Variants in LRRC49 observed in about 807,000 individuals in gnomAD.
LRRC49 encodes leucine rich repeat containing 49.
A neutral mutation model predicts 83.3 loss-of-function variants in LRRC49; 50 were observed. The ratio of observed to expected loss-of-function variants is 0.60; its 90% confidence interval spans 0.48 to 0.76. LRRC49 has a LOEUF of 0.76. LRRC49 is among the 30% of genes least tolerant of loss of function. The probability of loss-of-function intolerance (pLI) is 0.00; values close to 1 mark genes in which losing one functional copy is unlikely to be tolerated. For missense variants in LRRC49, 704 were observed against 809.1 expected, an observed-to-expected ratio of 0.87 and a Z score of 1.58; for synonymous variants, 286 against 283.3, an observed-to-expected ratio of 1.01 and a Z score of -0.10.
At chr15:70,937,913 A>T (rs1256474128) in intron 8 of LRRC49, among the ~76,000 whole-genome samples, 1 of 151,892 alleles carries the variant, frequency 6.6e-6, no homozygotes, top group Admixed American at 6.6e-5. Flanking sequence ...CTTGTTGGGG[A>T]GGCAGAATTT....
intron 10 of LRRC49, 123 bp downstream of exon 10, chr15:70,980,307 A>G (rs1385773107): frequency 1.8e-6 from 1 of 569,494 alleles, no homozygotes; most frequent in Non-Finnish European, 3.0e-6. Context: ...TCCTATCAAC[A>G]GAATGTACGT....
intron 1 of LRRC49, among the ~76,000 whole-genome samples, chr15:70,854,802 C>CT (rs1378757216): frequency 6.6e-6 from 1 of 152,146 alleles, no homozygotes; most frequent in African/African-American, 2.4e-5. Flanking sequence ...TGATTCAGAA[C>CT]TTTGTGTTTT....
intron 8 of LRRC49, among the ~76,000 whole-genome samples, chr15:70,951,182 T>C (rs2036204031): frequency 6.6e-6 from 1 of 152,154 alleles, no homozygotes; most frequent in Non-Finnish European, 1.5e-5. Context: ...TAGTTTGAGG[T>C]TAGGTAATGT....
intron 1 of LRRC49, among the ~76,000 whole-genome samples, chr15:70,854,391 G>C (rs537954350): frequency 6.6e-6 from 1 of 152,152 alleles, no homozygotes; most frequent in Non-Finnish European, 1.5e-5. Context: ...CACTCCCTCC[G>C]TCTTTTCGCC....
chr15:71,001,003 A>G (rs150252119), intron 11 of LRRC49, among the ~76,000 whole-genome samples: 21 of 152,270 alleles, frequency 1.4e-4, no homozygotes, highest in Non-Finnish European at 2.5e-4. Context: ...TACTATTTAT[A>G]TACTGAAGAC....
chr15:71,011,441 A>T (rs1387383129), intron 13 of LRRC49, among the ~76,000 whole-genome samples: 2 of 151,926 alleles, frequency 1.3e-5, no homozygotes, highest in Non-Finnish European at 2.9e-5. Context: ...GTGGAGAAGA[A>T]TTAGAAAGAA....
intron 8 of LRRC49, among the ~76,000 whole-genome samples, chr15:70,959,059 T>A (rs2036502266): frequency 1.3e-5 from 2 of 152,232 alleles, no homozygotes; most frequent in South Asian, 4.1e-4. Flanking sequence ...TATAGTACTA[T>A]AAAGTACTGG....
At chr15:70,942,433 A>G (rs1033163733) in intron 8 of LRRC49, among the ~76,000 whole-genome samples, 1 of 152,242 alleles carries the variant, frequency 6.6e-6, no homozygotes, top group Non-Finnish European at 1.5e-5. Context: ...TTACAAAGGC[A>G]TGAAAATTCA....
chr15:70,932,726 C>CTTTTTTTTTTTTTTTTT (rs5813614), intron 7 of LRRC49, among the ~76,000 whole-genome samples: 5 of 97,202 alleles, frequency 5.1e-5, no homozygotes, highest in Non-Finnish European at 1.0e-4. Context: ...CTTTCTCTGT[C>CTTTTTTTTTTTTTTTTT]TTTTTTTTTT....
intron 11 of LRRC49, among the ~76,000 whole-genome samples, chr15:70,986,417 A>C (rs2037619866): frequency 6.6e-6 from 1 of 150,522 alleles, no homozygotes; most frequent in South Asian, 2.1e-4. Flanking sequence ...GAGTTCACTC[A>C]TGATTTGGCT....
chr15:70,980,755 A>C lies in LRRC49; in HGVS notation c.1005+571A>C, dbSNP rs2037370748. Among the ~76,000 whole-genome samples the C allele has an allele frequency of 2.0e-5, 3 of 152,278 alleles. No individual in the cohort carries two copies. In the South Asian group the frequency reaches 6.2e-4, roughly 32 times the overall value. ...TTTTATATTAACATTGCAAAGTATA[A>C]GTAAAGGCAGCTTTAAGTTTATAGT... is the stretch of plus-strand genomic sequence containing the variant. On this transcript the variant is annotated intron_variant, in intron 10 of 15. Transcript: ENST00000260382.
chr15:71,037,538 C>T (rs1404885678), intron 15 of LRRC49, among the ~76,000 whole-genome samples: 2 of 151,832 alleles, frequency 1.3e-5, no homozygotes, highest in Non-Finnish European at 2.9e-5. Flanking sequence ...CCCAGGGTTT[C>T]AGTATCGTTA....
chr15:70,911,514 A>C lies in LRRC49; in HGVS notation c.501-18A>C, dbSNP rs1455732973. ...TGTGATACATCCGTATTTCTATTCTACTTATTCTGGTTTTCAGAATCAAGA... is the reference window on the plus strand; with the variant it reads ...TGTGATACATCCGTATTTCTATTCTCCTTATTCTGGTTTTCAGAATCAAGA... On this transcript the variant is annotated intron_variant, in intron 5 of 15. Coordinates refer to ENST00000260382, the MANE Select transcript of LRRC49 (RefSeq NM_017691.5). 1 of 1,414,348 alleles carries C rather than the reference A, an allele frequency of 7.1e-7. No individual in the cohort carries two copies. Among genetic ancestry groups the C allele is most frequent in the Non-Finnish European group, 9.9e-7 (1 of 1,011,262 alleles). 87.6% of individuals were successfully genotyped at this position (1,414,348 alleles called of 1,614,324 possible). A position where few individuals can be genotyped will look rare whatever the true frequency, so the allele number is the denominator to read the frequency against.
chr15:70,936,794 C>G lies in LRRC49; in HGVS notation c.745C>G (p.Leu249Val), dbSNP rs1044107942. 6.2e-7 allele frequency: 1 copy of G among 1,611,358 alleles called. No individual in the cohort carries two copies. The highest frequency in any genetic ancestry group is 1.3e-5 in the African/African-American group (1 of 74,862). ...GGATAATTTGCCCTGCCTCCAACATCTCTTTCTCAGCTTTAACAATATATC... is the reference window on the plus strand; with the variant it reads ...GGATAATTTGCCCTGCCTCCAACATGTCTTTCTCAGCTTTAACAATATATC... The part of the protein sequence containing the change: ...DVDNLPCLQH[L>V]FLSFNNISSF... The change falls in exon 8 of 16, where the codon CTC becomes GTC. Residue 249 changes from leucine to valine, a missense_variant. This residue lies in a region of LRRC49 where 261 missense variants were observed against 330.5 expected (regional missense o/e 0.79). Coordinates refer to ENST00000260382, the MANE Select transcript of LRRC49 (RefSeq NM_017691.5).
chr15:71,025,553 A>T (rs1414654103), intron 14 of LRRC49, among the ~76,000 whole-genome samples: 1 of 152,232 alleles, frequency 6.6e-6, no homozygotes, highest in Non-Finnish European at 1.5e-5. Context: ...CCCAATTAAA[A>T]GACACAGAAT....
chr15:70,901,357 T>G (rs1167873948), intron 4 of LRRC49, among the ~76,000 whole-genome samples: 1 of 152,134 alleles, frequency 6.6e-6, no homozygotes, highest in Non-Finnish European at 1.5e-5. Context: ...CCAGTCTAGT[T>G]TCCTGTTACT....
chr15:70,893,160 A>C (rs1253749295), intron 1 of LRRC49: 1 of 615,408 alleles, frequency 1.6e-6, no homozygotes, highest in Non-Finnish European at 2.9e-6. Context: ...GCTCCCCAGA[A>C]GGTGGAGCTG....
At chr15:70,853,748 G>C (rs62019069) in intron 1 of LRRC49, 28,211 of 573,418 alleles carry the variant, frequency 0.049, 944 homozygotes, top group South Asian at 0.16. Context: ...TCAGGGGCTC[G>C]GCCCGGAGCT....
intron 14 of LRRC49, among the ~76,000 whole-genome samples, chr15:71,033,115 A>C (rs1467685285): frequency 6.6e-6 from 1 of 152,166 alleles, no homozygotes; most frequent in Non-Finnish European, 1.5e-5. Flanking sequence ...AGAAAACCCC[A>C]TTGTCTCAGC....
Sources: gnomAD v4.1 joint callset for allele counts (sites outside exome capture counted in the v4.1 genomes callset) on GRCh38, gnomAD v4.1.1 for gene constraint, gnomAD v4.1.1 regional missense constraint, MANE v1.5 for transcripts, NCBI Gene and HGNC (gene_info 2026-07-23, HGNC 2026-07-21) for gene names.